The following VAV1 variants were observed in gnomAD, a reference collection of about 807,000 sequenced individuals.
VAV1 encodes proto-oncogene vav.
In VAV1, 33 loss-of-function variants were observed where a neutral mutation model predicts 128.1. That is an observed-to-expected ratio of 0.26 (90% CI 0.20 to 0.34). The LOEUF (loss-of-function observed/expected upper bound fraction) is 0.34. Ranked by LOEUF, VAV1 falls within the 10% of genes least tolerant of loss-of-function variation. The pLI, the probability that VAV1 is intolerant of heterozygous loss-of-function variation, is 1.00. For missense variants in VAV1, 715 were observed against 1,093.7 expected (o/e 0.65, Z 4.88); for synonymous variants, 394 against 409.8 (o/e 0.96, Z 0.47).
chr19:6,829,884 G>A lies in VAV1; in HGVS notation c.1364G>A (p.Arg455Gln). ...DFVNLHSFQVRDDSSGDRDNK... is the reference protein window; with the variant it reads ...DFVNLHSFQVQDDSSGDRDNK... ...GTAAACCTGCACAGCTTCCAGGTTC[G>A]GGATGACTCTTCAGGAGACCGAGAC... The change falls in exon 14 of 27, where the codon CGG (arginine) becomes CAG (glutamine). Residue 455 changes from arginine (R) to glutamine (Q), a missense_variant. Physicochemically the swap from Arg to Gln is conservative, Grantham distance 43 (BLOSUM62 1). Coordinates refer to ENST00000602142, the MANE Select transcript of VAV1 (RefSeq NM_005428.4). The A allele has an allele frequency of 6.2e-7, 1 of 1,614,176 alleles. No homozygotes were observed. Among genetic ancestry groups the A allele is most frequent in the Non-Finnish European group, 8.5e-7 (1 of 1,180,032 alleles).
chr19:6,786,434 C>T (rs1372039181), intron 1 of VAV1, among the ~76,000 whole-genome samples: 1 of 151,938 alleles, frequency 6.6e-6, no homozygotes, highest in East Asian at 1.9e-4. Flanking sequence ...TGCACTCCAG[C>T]CTGGGCAACA....
chr19:6,857,225 G>C lies in VAV1; in HGVS notation c.*118G>C. On this transcript the variant is annotated 3_prime_UTR_variant, in exon 27 of 27. Transcript: ENST00000602142. ...GGTGGAGACTTTGGGATGGACTGGA[G>C]GAGGCCAGCGTCCAGCTGGCGGTGC... 7.2e-7 allele frequency: 1 copy of C among 1,397,512 alleles called. No individual in the cohort carries two copies. The highest frequency in any genetic ancestry group is 9.8e-7 in the Non-Finnish European group (1 of 1,024,880). 86.6% of individuals were successfully genotyped at this position (1,397,512 alleles called of 1,614,324 possible). A position where few individuals can be genotyped will look rare whatever the true frequency, so the allele number is the denominator to read the frequency against.
chr19:6,775,997 C>T (rs1158338855), intron 1 of VAV1, among the ~76,000 whole-genome samples: 3 of 152,086 alleles, frequency 2.0e-5, no homozygotes, highest in East Asian at 3.8e-4. Flanking sequence ...TTCATCCATC[C>T]GTTCATCCAC....
chr19:6,791,796 G>C (rs146535757), intron 1 of VAV1, among the ~76,000 whole-genome samples: 74 of 152,284 alleles, frequency 4.9e-4, no homozygotes, highest in Non-Finnish European at 8.4e-4. Flanking sequence ...TTTCTGGAGG[G>C]TGGTCAAGGA....
At chr19:6,839,367 G>A (rs978311490) in intron 21 of VAV1, among the ~76,000 whole-genome samples, 2 of 151,656 alleles carry the variant, frequency 1.3e-5, no homozygotes, top group African/African-American at 2.4e-5. Flanking sequence ...AAAACTGACC[G>A]TTACAATGAA....
chr19:6,855,810 T>C (rs138433275), intron 26 of VAV1, among the ~76,000 whole-genome samples: 1 of 42,096 alleles, frequency 2.4e-5, no homozygotes, highest in East Asian at 5.2e-4. Flanking sequence ...TTCATCTATC[T>C]ATCTATCTAT....
chr19:6,799,689 C>T (rs902572319), intron 1 of VAV1, among the ~76,000 whole-genome samples: 1 of 151,572 alleles, frequency 6.6e-6, no homozygotes, highest in Non-Finnish European at 1.5e-5. Flanking sequence ...TATCATGAAT[C>T]AAGTTGCTAG....
intron 1 of VAV1, among the ~76,000 whole-genome samples, chr19:6,810,008 A>G (rs1263693288): frequency 6.6e-6 from 1 of 152,010 alleles, no homozygotes; most frequent in Non-Finnish European, 1.5e-5. Context: ...CTGTATCTAC[A>G]AAAAATAAAA....
Position 6,822,420 on chromosome 19 carries a change from C to A in VAV1, c.560C>A (p.Pro187His). ...ACCGGCCTCTCCCCTCGCTCTCAGC[C>A]CAAGATGACAGAGTATGACAAGCGC... ...LMRSEPVSMP[P>H]KMTEYDKRCC... The change falls in exon 6 of 27, where the codon CCC (proline) becomes CAC (histidine). Residue 187 changes from proline (P) to histidine (H), a missense_variant and splice_region_variant. By Grantham distance (77) the Pro-to-His change is moderately conservative. This residue lies in a region of VAV1 where 302 missense variants were observed against 477.8 expected (regional missense o/e 0.63). Transcript: ENST00000602142. The surrounding 1 kb of genome is among the most constrained non-coding windows in gnomAD (Gnocchi z 5.9). 1 of 1,560,760 alleles carries A rather than the reference C, an allele frequency of 6.4e-7. No individual in the cohort carries two copies. Among genetic ancestry groups the A allele is most frequent in the Non-Finnish European group, 8.7e-7 (1 of 1,154,344 alleles).
At chr19:6,856,382 A>T (rs1177571339) in intron 26 of VAV1, among the ~76,000 whole-genome samples, 1 of 151,996 alleles carries the variant, frequency 6.6e-6, no homozygotes, top group Non-Finnish European at 1.5e-5. Flanking sequence ...TAAGCAAATG[A>T]TACATAATGA....
rs1381253757 is a variant in VAV1 at position 6,787,138 on chromosome 19, C to T, written c.204+14127C>T. Among the ~76,000 whole-genome samples, 3 of 151,648 alleles carry T rather than the reference C, an allele frequency of 2.0e-5. No individual in the cohort carries two copies. In the East Asian group the frequency reaches 5.8e-4, roughly 29 times the overall value. On this transcript the variant is annotated intron_variant, in intron 1 of 26. Coordinates refer to ENST00000602142, the MANE Select transcript of VAV1 (RefSeq NM_005428.4). ...TATCTCAGGACACCTCCTCCCCACCCTTGGTCTTTCCATCTCTCTCTCTCT... is the reference window on the plus strand; with the variant it reads ...TATCTCAGGACACCTCCTCCCCACCTTTGGTCTTTCCATCTCTCTCTCTCT...
intron 1 of VAV1, among the ~76,000 whole-genome samples, chr19:6,788,554 T>G (rs969860857): frequency 2.6e-5 from 4 of 151,992 alleles, no homozygotes; most frequent in Admixed American, 6.6e-5. Flanking sequence ...TTTTTGTATT[T>G]TTAGTAGAGA....
intron 1 of VAV1, among the ~76,000 whole-genome samples, chr19:6,774,427 C>CT (rs1002823385): frequency 0.014 from 1,291 of 91,544 alleles, 45 homozygotes; most frequent in African/African-American, 0.041. Flanking sequence ...CGCGCCCAGC[C>CT]TTTTTTTTTT....
intron 26 of VAV1, among the ~76,000 whole-genome samples, chr19:6,856,033 GC>G (rs1404735422): frequency 6.6e-6 from 1 of 152,216 alleles, no homozygotes; most frequent in Non-Finnish European, 1.5e-5. Context: ...GGTGGCTTAT[GC>G]CTGTAATCCC....
At position 6,822,347 on chromosome 19, in the gene VAV1, T is replaced by A; in HGVS notation, c.558+18T>A. The A allele has an allele frequency of 8.0e-7, 1 of 1,247,952 alleles. No individual in the cohort carries two copies. The highest frequency in any genetic ancestry group is 1.1e-6 in the Non-Finnish European group (1 of 921,374). 77.3% of individuals were successfully genotyped at this position (1,247,952 alleles called of 1,614,324 possible). A position where few individuals can be genotyped will look rare whatever the true frequency, so the allele number is the denominator to read the frequency against. On this transcript the variant is annotated intron_variant, in intron 5 of 26. Coordinates refer to ENST00000602142, the MANE Select transcript of VAV1 (RefSeq NM_005428.4). This position sits in a 1 kb window ranked among gnomAD's most constrained non-coding sequence, Gnocchi z 5.9. ...CCATGCCGGTGCGTGACGTGGAGGG[T>A]CGGGCCTGGGGAGGGCGTGGGCGGG...
chr19:6,817,765 C>T (rs921242011), intron 1 of VAV1, among the ~76,000 whole-genome samples: 1 of 151,930 alleles, frequency 6.6e-6, no homozygotes, highest in Non-Finnish European at 1.5e-5. Flanking sequence ...TGGCTCACCG[C>T]AGCCTCCACC....
intron 26 of VAV1, among the ~76,000 whole-genome samples, chr19:6,855,422 A>C (rs1972768873): frequency 6.6e-6 from 1 of 151,878 alleles, no homozygotes; most frequent in Non-Finnish European, 1.5e-5. Context: ...CCATCTATCC[A>C]TCTATCTATC....
At chr19:6,805,593 C>CACACACACACACAA (rs1971377509) in intron 1 of VAV1, among the ~76,000 whole-genome samples, 1 of 135,636 alleles carries the variant, frequency 7.4e-6, no homozygotes, top group Admixed American at 7.5e-5. Context: ...TACACACACA[C>CACACACACACACAA]ACACACACAC....
intron 1 of VAV1, among the ~76,000 whole-genome samples, chr19:6,779,295 C>G (rs1970714174): frequency 6.7e-6 from 1 of 150,374 alleles, no homozygotes; most frequent in Non-Finnish European, 1.5e-5. Flanking sequence ...CAAGCAATTC[C>G]TCCCGCCTTG....
Sources: allele counts gnomAD v4.1 joint callset (sites outside exome capture counted in the v4.1 genomes callset), GRCh38; gene constraint gnomAD v4.1.1; regional missense constraint gnomAD v4.1.1; non-coding constraint Gnocchi (gnomAD v3.1); transcripts MANE v1.5; gene names NCBI Gene and HGNC (gene_info 2026-07-23, HGNC 2026-07-21).